The following IGSF3 variants were observed in gnomAD, a reference collection of about 807,000 sequenced individuals.
IGSF3 encodes the protein immunoglobulin superfamily member 3.
Under a neutral mutation model 114.4 loss-of-function variants are expected in IGSF3, and 23 were observed. The observed-to-expected ratio is 0.20, with a 90% CI of 0.14 to 0.28. The LOEUF is 0.28. IGSF3 is among the 10% of genes least tolerant of loss of function. The probability of loss-of-function intolerance (pLI) is 1.00; values close to 1 mark genes in which losing one functional copy is unlikely to be tolerated. For synonymous variants in IGSF3, 571 were observed against 645.2 expected (o/e 0.88, Z 1.74); for missense variants, 1,172 against 1,591.5 (o/e 0.74, Z 4.48).
In IGSF3 at chr1:116,595,219, G is replaced by A. The variant is rs1268606222; in HGVS notation, c.2029+4722C>T. Among the ~76,000 whole-genome samples the A allele has an allele frequency of 1.3e-5, 2 of 152,182 alleles. No homozygotes were observed. Among genetic ancestry groups the A allele is most frequent in the African/African-American group, 2.4e-5 (1 of 41,436 alleles). On this transcript the variant is annotated intron_variant, in intron 7 of 10. Transcript: ENST00000369486. The surrounding 1 kb of genome is among the most constrained non-coding windows in gnomAD (Gnocchi z 4.2). ...GGTAGGGCAGTGACCCTGGCTCCTT[G>A]ATGCCAATAACAAGTGCCCCGGTGT...
At chr1:116,586,247 A>G (rs1659839046) in intron 8 of IGSF3, among the ~76,000 whole-genome samples, 1 of 152,226 alleles carries the variant, frequency 6.6e-6, no homozygotes, top group African/African-American at 2.4e-5. Context: ...ATATAAAATA[A>G]CAAAATATAT....
chr1:116,629,498 G>A lies in IGSF3; in HGVS notation c.44-13041C>T, dbSNP rs899376483. On this transcript the variant is annotated intron_variant, in intron 2 of 10. Coordinates refer to ENST00000369486, the MANE Select transcript of IGSF3 (RefSeq NM_001007237.3). The surrounding 1 kb of genome is among the most constrained non-coding windows in gnomAD (Gnocchi z 4.3). ...ACCTGCCTCATAAAACCCAAAAAAA[G>A]AAGTCAGAGAGGGGTGAATATTTTG... is the stretch of plus-strand genomic sequence containing the variant. Among the ~76,000 whole-genome samples the A allele has an allele frequency of 6.6e-6, 1 of 152,184 alleles. No individual in the cohort carries two copies. Among genetic ancestry groups the A allele is most frequent in the African/African-American group, 2.4e-5 (1 of 41,442 alleles).
At position 116,584,369 on chromosome 1, in the gene IGSF3, G is replaced by C. The variant is rs1380876554; in HGVS notation, c.2848+276C>G. Reference sequence around the variant, plus strand: ...CATATCTGCCCTTTGTTCCAAATCTGGAAAAAGGAAATATTCTATGACCTG... The same window carrying C: ...CATATCTGCCCTTTGTTCCAAATCTCGAAAAAGGAAATATTCTATGACCTG... On this transcript the variant is annotated intron_variant, in intron 9 of 10. Transcript: ENST00000369486. The surrounding 1 kb of genome is among the most constrained non-coding windows in gnomAD (Gnocchi z 5.8). Among the ~76,000 whole-genome samples, 2 of 151,916 alleles carry C rather than the reference G, an allele frequency of 1.3e-5. No homozygotes were observed. Among genetic ancestry groups the C allele is most frequent in the Non-Finnish European group, 2.9e-5 (2 of 67,984 alleles).
At position 116,662,187 on chromosome 1, in the gene IGSF3, C is replaced by T. The variant is rs911763978; in HGVS notation, c.43+4097G>A. Among the ~76,000 whole-genome samples, 2 of 152,090 alleles carry T rather than the reference C, an allele frequency of 1.3e-5. No individual in the cohort carries two copies. The highest frequency in any genetic ancestry group is 4.8e-5 in the African/African-American group (2 of 41,412). On this transcript the variant is annotated intron_variant, in intron 2 of 10. Coordinates refer to ENST00000369486, the MANE Select transcript of IGSF3 (RefSeq NM_001007237.3). The surrounding 1 kb of genome is among the most constrained non-coding windows in gnomAD (Gnocchi z 4.3). ...CTGGGTTCAAGCGATTCTCCTGCCTCAGCCTCCCGAGTAGCTGGGATTACA... is the reference window on the plus strand; with the variant it reads ...CTGGGTTCAAGCGATTCTCCTGCCTTAGCCTCCCGAGTAGCTGGGATTACA...
rs1015200980 is a variant in IGSF3, at chr1:116,644,001, C to T, written c.43+22283G>A. On this transcript the variant is annotated intron_variant, in intron 2 of 10. Coordinates refer to ENST00000369486, the MANE Select transcript of IGSF3 (RefSeq NM_001007237.3). The surrounding 1 kb of genome is among the most constrained non-coding windows in gnomAD (Gnocchi z 5.6). ...CAATTTGGAGGGGCTGCTCCCAGCA[C>T]GCATGCTGCAAGATAAACTTCAGTG... 3.9e-5 allele frequency among the ~76,000 whole-genome samples: 6 copies of T among 152,202 alleles called. No individual in the cohort carries two copies. The highest frequency in any genetic ancestry group is 6.5e-5 in the Admixed American group (1 of 15,286).
rs183782998 is a variant in IGSF3 at position 116,585,778 on chromosome 1, C to T, written c.2441-726G>A. Reference sequence around the variant, plus strand: ...CTCTACTAAAAATACAAAAATTAGCCAGGTGTGGTGGTGTGCGCCTGTAAT... The same window carrying T: ...CTCTACTAAAAATACAAAAATTAGCTAGGTGTGGTGGTGTGCGCCTGTAAT... On this transcript the variant is annotated intron_variant, in intron 8 of 10. Coordinates refer to ENST00000369486, the MANE Select transcript of IGSF3 (RefSeq NM_001007237.3). This position sits in a 1 kb window ranked among gnomAD's most constrained non-coding sequence, Gnocchi z 4.9. Among the ~76,000 whole-genome samples the T allele has an allele frequency of 1.2e-3, 185 of 152,196 alleles. No homozygotes were observed. The highest frequency in any genetic ancestry group is 4.3e-3 in the Admixed American group (65 of 15,282).
intron 10 of IGSF3, among the ~76,000 whole-genome samples, chr1:116,578,047 T>C (rs1659430985): frequency 6.6e-6 from 1 of 152,206 alleles, no homozygotes. Flanking sequence ...ATTAATGTTA[T>C]CAATTAAATG....
intron 2 of IGSF3, among the ~76,000 whole-genome samples, chr1:116,660,750 A>C (rs1490001676): frequency 6.6e-6 from 1 of 152,080 alleles, no homozygotes; most frequent in Non-Finnish European, 1.5e-5. Context: ...CCACGTATGC[A>C]TTTTAAAATG....
rs1323117667 is a variant in IGSF3 at position 116,649,434 on chromosome 1, C to T, written c.43+16850G>A. 6.6e-6 allele frequency among the ~76,000 whole-genome samples: 1 copy of T among 152,180 alleles called. No individual in the cohort carries two copies. Among genetic ancestry groups the T allele is most frequent in the African/African-American group, 2.4e-5 (1 of 41,442 alleles). ...GCCCTATTTTCAAATGAATTCAACGCCTCATTACTTAGATCTTTCCTCATT... is the reference window on the plus strand; with the variant it reads ...GCCCTATTTTCAAATGAATTCAACGTCTCATTACTTAGATCTTTCCTCATT... On this transcript the variant is annotated intron_variant, in intron 2 of 10. Coordinates refer to ENST00000369486, the MANE Select transcript of IGSF3 (RefSeq NM_001007237.3). This position sits in a 1 kb window ranked among gnomAD's most constrained non-coding sequence, Gnocchi z 4.5.
At position 116,655,265 on chromosome 1, in the gene IGSF3, A is replaced by C. The variant is rs1015293087; in HGVS notation, c.43+11019T>G. On this transcript the variant is annotated intron_variant, in intron 2 of 10. Coordinates refer to ENST00000369486, the MANE Select transcript of IGSF3 (RefSeq NM_001007237.3). The surrounding 1 kb of genome is among the most constrained non-coding windows in gnomAD (Gnocchi z 4.3). ...AAGCCTTCTTAGGAAAAGTATTAGA[A>C]GTAGATTCTACTAGAACAGGGGCTA... Among the ~76,000 whole-genome samples the C allele has an allele frequency of 1.3e-5, 2 of 152,218 alleles. No individual in the cohort carries two copies. The highest frequency in any genetic ancestry group is 2.9e-5 in the Non-Finnish European group (2 of 68,028).
chr1:116,627,627 G>A lies in IGSF3; in HGVS notation c.44-11170C>T, dbSNP rs1006539212. Among the ~76,000 whole-genome samples, 2 of 152,232 alleles carry A rather than the reference G, an allele frequency of 1.3e-5. No individual in the cohort carries two copies. Among genetic ancestry groups the A allele is most frequent in the Non-Finnish European group, 2.9e-5 (2 of 68,038 alleles). On this transcript the variant is annotated intron_variant, in intron 2 of 10. Transcript: ENST00000369486. This position sits in a 1 kb window ranked among gnomAD's most constrained non-coding sequence, Gnocchi z 4.7. ...GCGCATCTGCAGGCAGCGTCAGGAT[G>A]TCAGCTACCAGGCAGCAGAGGGATG...
chr1:116,595,743 T>G lies in IGSF3; in HGVS notation c.2029+4198A>C, dbSNP rs1462284108. On this transcript the variant is annotated intron_variant, in intron 7 of 10. Transcript: ENST00000369486. This position sits in a 1 kb window ranked among gnomAD's most constrained non-coding sequence, Gnocchi z 4.2. ...TTGTCATAAACATTTGGAAAATGAGTGCTAACATTTCCCTTACTGCTTCTG... is the reference window on the plus strand; with the variant it reads ...TTGTCATAAACATTTGGAAAATGAGGGCTAACATTTCCCTTACTGCTTCTG... Among the ~76,000 whole-genome samples, 4 of 152,194 alleles carry G rather than the reference T, an allele frequency of 2.6e-5. No homozygotes were observed. The highest frequency in any genetic ancestry group is 9.7e-5 in the African/African-American group (4 of 41,446).
chr1:116,584,755 C>T lies in IGSF3; in HGVS notation c.2738G>A (p.Ser913Asn). The change falls in exon 9 of 11, where the codon AGC becomes AAC. Residue 913 changes from serine to asparagine, a missense_variant. Ser to Asn is a conservative substitution (Grantham distance 46, BLOSUM62 1). Coordinates refer to ENST00000369486, the MANE Select transcript of IGSF3 (RefSeq NM_001007237.3). This position sits in a 1 kb window ranked among gnomAD's most constrained non-coding sequence, Gnocchi z 5.8. ...CTCCACATGGCAGCTGTAGGTCCCG[C>T]TGTCCTGCACAGCCACGTTCTGGAT... ...LFIQNVAVQD[S>N]GTYSCHVEEW... 1 of 1,614,144 alleles carries T rather than the reference C, an allele frequency of 6.2e-7. No homozygotes were observed. Among genetic ancestry groups the T allele is most frequent in the Non-Finnish European group, 8.5e-7 (1 of 1,179,938 alleles).
rs1339423771 is a variant in IGSF3, at chr1:116,594,943, C to T, written c.2029+4998G>A. Among the ~76,000 whole-genome samples the T allele has an allele frequency of 6.6e-6, 1 of 152,144 alleles. No homozygotes were observed. The highest frequency in any genetic ancestry group is 1.5e-5 in the Non-Finnish European group (1 of 68,030). On this transcript the variant is annotated intron_variant, in intron 7 of 10. Transcript: ENST00000369486. This position sits in a 1 kb window ranked among gnomAD's most constrained non-coding sequence, Gnocchi z 5.2. ...CGTTCATGCCCTGTGCTGGCTCTGC[C>T]TCCACACCTGTAACGCTTTTCTGCT...
Position 116,629,410 on chromosome 1 carries a change from T to C in IGSF3, c.44-12953A>G, listed in dbSNP as rs1168724799. On this transcript the variant is annotated intron_variant, in intron 2 of 10. Coordinates refer to ENST00000369486, the MANE Select transcript of IGSF3 (RefSeq NM_001007237.3). This position sits in a 1 kb window ranked among gnomAD's most constrained non-coding sequence, Gnocchi z 4.3. ...TTTGCACTTTGTGTTTTCTAAGTAT[T>C]CCATAGTCTGAATGAATTAGCTTCA... Among the ~76,000 whole-genome samples the C allele has an allele frequency of 6.6e-6, 1 of 152,222 alleles. No homozygotes were observed. Among genetic ancestry groups the C allele is most frequent in the Non-Finnish European group, 1.5e-5 (1 of 68,034 alleles).
At position 116,618,916 on chromosome 1, in the gene IGSF3, C is replaced by T. The variant is rs761890169; in HGVS notation, c.44-2459G>A. 5.3e-5 allele frequency among the ~76,000 whole-genome samples: 8 copies of T among 152,190 alleles called. No individual in the cohort carries two copies. Among genetic ancestry groups the T allele is most frequent in the Admixed American group, 1.3e-4 (2 of 15,280 alleles). On this transcript the variant is annotated intron_variant, in intron 2 of 10. Transcript: ENST00000369486. The surrounding 1 kb of genome is among the most constrained non-coding windows in gnomAD (Gnocchi z 4.7). ...GGTACACCAGCATCTTTAAGGACTG[C>T]TTCTCAATCCTGGACCTACACTGGA...
chr1:116,631,652 G>A (rs1322659533), intron 2 of IGSF3, among the ~76,000 whole-genome samples: 3 of 152,206 alleles, frequency 2.0e-5, no homozygotes, highest in Non-Finnish European at 1.5e-5. Flanking sequence ...CCAGGTCTTA[G>A]GCAACTACTG....
rs1411755187 is a variant in IGSF3, at chr1:116,603,461, A to G, written c.1624+163T>C. Among the ~76,000 whole-genome samples, 4 of 152,202 alleles carry G rather than the reference A, an allele frequency of 2.6e-5. No individual in the cohort carries two copies. Among genetic ancestry groups the G allele is most frequent in the Non-Finnish European group, 4.4e-5 (3 of 68,042 alleles). ...CACTATCTTAATTAATTAAACCCTT[A>G]TAAGAAATAAAATAGACATAAAGGA... On this transcript the variant is annotated intron_variant, in intron 6 of 10. Coordinates refer to ENST00000369486, the MANE Select transcript of IGSF3 (RefSeq NM_001007237.3). This position sits in a 1 kb window ranked among gnomAD's most constrained non-coding sequence, Gnocchi z 7.1.
At chr1:116,641,806 C>G (rs975869127) in intron 2 of IGSF3, among the ~76,000 whole-genome samples, 4 of 151,486 alleles carry the variant, frequency 2.6e-5, no homozygotes, top group Non-Finnish European at 5.9e-5. Context: ...GTCTGATGAT[C>G]CTTTACAACA....
Sources: allele counts gnomAD v4.1 joint callset (sites outside exome capture counted in the v4.1 genomes callset), GRCh38; gene constraint gnomAD v4.1.1; non-coding constraint Gnocchi (gnomAD v3.1); transcripts MANE v1.5; gene names NCBI Gene and HGNC (gene_info 2026-07-23, HGNC 2026-07-21).